The following PIK3C2G variants were observed in gnomAD, a reference collection of about 807,000 sequenced individuals.
The protein encoded by PIK3C2G is phosphatidylinositol 3-kinase C2 domain-containing subunit gamma.
In PIK3C2G, 168 loss-of-function variants were observed where a neutral mutation model predicts 181.1. The observed-to-expected ratio is 0.93, with a 90% CI of 0.82 to 1.05. The LOEUF is 1.05. Ranked by LOEUF, PIK3C2G falls within the 50% of genes least tolerant of loss-of-function variation. The probability of loss-of-function intolerance (pLI) is 0.00; values close to 1 mark genes in which losing one functional copy is unlikely to be tolerated. For synonymous variants in PIK3C2G, 573 were observed against 592.2 expected (o/e 0.97, Z 0.47); for missense variants, 1,869 against 1,732.8 (o/e 1.08, Z -1.40).
At chr12:18,650,861 G>A (rs74680468), downstream of PIK3C2G, among the ~76,000 whole-genome samples, 483 of 150,038 alleles carry the variant, frequency 3.2e-3, 5 homozygotes, top group African/African-American at 0.011. Flanking sequence ...AAATACTCTG[G>A]TCCAACTTAC....
intron 3 of PIK3C2G, among the ~76,000 whole-genome samples, chr12:18,290,424 G>A (rs1303297347): frequency 2.6e-5 from 4 of 152,140 alleles, no homozygotes; most frequent in Non-Finnish European, 4.4e-5. Flanking sequence ...ACAAGAACAA[G>A]AGAATTTATT....
intron 12 of PIK3C2G, 134 bp from the exon 13 acceptor site, chr12:18,371,046 C>CA: frequency 1.6e-6 from 1 of 620,796 alleles, no homozygotes; most frequent in South Asian, 4.8e-5. Context: ...CAAGATTAAA[C>CA]AAAAAATTTC....
At chr12:18,619,257 C>A (rs1339088246) in intron 31 of PIK3C2G, among the ~76,000 whole-genome samples, 1 of 151,906 alleles carries the variant, frequency 6.6e-6, no homozygotes, top group Non-Finnish European at 1.5e-5. Flanking sequence ...AGTGGAACGT[C>A]TTTAAAATGT....
At chr12:18,397,752 G>A (rs75822727) in intron 15 of PIK3C2G, among the ~76,000 whole-genome samples, 19,326 of 151,928 alleles carry the variant, frequency 0.13, 1,247 homozygotes, top group African/African-American at 0.15. Context: ...ATATAACCAT[G>A]TCCTTCCTCT....
At chr12:18,352,873 T>C (rs1940352907) in intron 11 of PIK3C2G, among the ~76,000 whole-genome samples, 2 of 152,142 alleles carry the variant, frequency 1.3e-5, no homozygotes, top group South Asian at 4.1e-4. Context: ...TTCTCTTCTT[T>C]CCTTCTCTGC....
At chr12:18,343,200 G>T in intron 9 of PIK3C2G, 127 bp from the exon 10 acceptor site, 3 of 607,596 alleles carry the variant, frequency 4.9e-6, no homozygotes, top group South Asian at 1.9e-5. Context: ...GATATATGAT[G>T]CCAAGAAATA....
At position 18,343,355 on chromosome 12, in the gene PIK3C2G, C is replaced by T; in HGVS notation, c.1424C>T (p.Ala475Val). 1 of 1,347,662 alleles carries T rather than the reference C, an allele frequency of 7.4e-7. No individual in the cohort carries two copies. The highest frequency in any genetic ancestry group is 1.3e-5 in the South Asian group (1 of 76,076). The allele number at this position is 1,347,662 out of a possible 1,614,324, so 83.5% of individuals were successfully genotyped here. A position where few individuals can be genotyped will look rare whatever the true frequency, so the allele number is the denominator to read the frequency against. Residue 475 changes from alanine to valine, a missense_variant, in exon 10 of 33, where the codon GCA becomes GTA. Physicochemically the swap from Ala to Val is moderately conservative, Grantham distance 64. Transcript: ENST00000538779. ...ENFYQSSETS[A>V]KGLIEKVTTE... ...TTTTATCAAAGTTCAGAGACTTCAG[C>T]AAAAGGTAAAACATACATGTACTCA...
chr12:18,508,338 T>C (rs895795963), intron 24 of PIK3C2G, among the ~76,000 whole-genome samples: 3 of 152,210 alleles, frequency 2.0e-5, no homozygotes, highest in African/African-American at 7.2e-5. Context: ...TTTTGAATTG[T>C]AGGAAGCATC....
the PIK3C2G span, chr12:18,692,977 G>C: frequency 1.4e-6 from 2 of 1,427,582 alleles, no homozygotes; most frequent in East Asian, 4.6e-5. Context: ...AAGTTAGAGA[G>C]AATTAAAGAC....
chr12:18,373,613 G>A (rs1942223906), intron 13 of PIK3C2G, among the ~76,000 whole-genome samples: 1 of 152,172 alleles, frequency 6.6e-6, no homozygotes, highest in Admixed American at 6.5e-5. Context: ...ACTTTGGGAG[G>A]CCGAGGCGGG....
chr12:18,265,926 A>C (rs1240116911), intron 1 of PIK3C2G, among the ~76,000 whole-genome samples: 1 of 149,422 alleles, frequency 6.7e-6, no homozygotes, highest in African/African-American at 2.5e-5. Flanking sequence ...AGGCAGAAGA[A>C]TCGCTTGAAC....
intron 11 of PIK3C2G, among the ~76,000 whole-genome samples, chr12:18,353,095 C>T (rs972645170): frequency 5.9e-5 from 9 of 152,204 alleles, no homozygotes; most frequent in Non-Finnish European, 1.3e-4. Flanking sequence ...GCCTCCTGTC[C>T]ATATCACTTC....
intron 31 of PIK3C2G, among the ~76,000 whole-genome samples, chr12:18,621,583 A>G (rs1948866507): frequency 6.6e-6 from 1 of 151,728 alleles, no homozygotes; most frequent in Non-Finnish European, 1.5e-5. Flanking sequence ...CATGTTTTAT[A>G]TATATGTTAT....
intron 16 of PIK3C2G, among the ~76,000 whole-genome samples, chr12:18,406,977 T>C (rs1280636089): frequency 1.3e-5 from 2 of 152,176 alleles, no homozygotes; most frequent in East Asian, 3.9e-4. Flanking sequence ...AGCTTTGAAA[T>C]CAGACTTATC....
At chr12:18,650,748 A>G (rs1358921705), downstream of PIK3C2G, among the ~76,000 whole-genome samples, 21,792 of 78,390 alleles carry the variant, frequency 0.28, 2,973 homozygotes, top group East Asian at 0.39. Flanking sequence ...ATATATATAT[A>G]TATATATATA....
chr12:18,652,552 C>T (rs1042810745), downstream of PIK3C2G, among the ~76,000 whole-genome samples: 3 of 152,094 alleles, frequency 2.0e-5, no homozygotes, highest in Admixed American at 6.6e-5. Context: ...TTTGTGACAG[C>T]GGTCCTAGCT....
chr12:18,719,724 T>G, the PIK3C2G span: 1 of 796,628 alleles, frequency 1.3e-6, no homozygotes, highest in East Asian at 2.8e-5. Flanking sequence ...TACTCAGTAG[T>G]AGAGCATATT....
intron 9 of PIK3C2G, among the ~76,000 whole-genome samples, chr12:18,342,367 C>A (rs1275610274): frequency 6.6e-6 from 1 of 151,936 alleles, no homozygotes; most frequent in African/African-American, 2.4e-5. Context: ...TCAAAATGTT[C>A]TCTCTCTAAA....
At chr12:18,580,038 C>G (rs1439904694) in intron 29 of PIK3C2G, among the ~76,000 whole-genome samples, 1 of 151,088 alleles carries the variant, frequency 6.6e-6, no homozygotes, top group Non-Finnish European at 1.5e-5. Flanking sequence ...GAGGCTGAGG[C>G]AGGAGAATTG....
Sources: gnomAD v4.1 joint callset for allele counts (sites outside exome capture counted in the v4.1 genomes callset) on GRCh38, gnomAD v4.1.1 for gene constraint, MANE v1.5 for transcripts, NCBI Gene and HGNC (gene_info 2026-07-23, HGNC 2026-07-21) for gene names.